Variants in RFX2 observed in about 807,000 individuals in gnomAD.
The protein encoded by RFX2 is DNA-binding protein RFX2.
A neutral mutation model predicts 87.8 loss-of-function variants in RFX2; 20 were observed. The observed-to-expected ratio is 0.23, with a 90% CI of 0.16 to 0.33. The LOEUF is 0.33. Ranked by LOEUF, RFX2 falls within the 10% of genes least tolerant of loss-of-function variation. The pLI is 1.00. For missense variants in RFX2, 767 were observed against 1,012.3 expected, an observed-to-expected ratio of 0.76 and a Z score of 3.29; for synonymous variants, 397 against 431.3, an observed-to-expected ratio of 0.92 and a Z score of 0.98.
Position 6,022,111 on chromosome 19 carries a change from C to T in RFX2, c.597+4052G>A, listed in dbSNP as rs550322205. The stretch of plus-strand genomic sequence containing the variant: ...TGGCTGCCCCTGCCTCAGATGGGAC[C>T]GTGGGCGGGAGGCGCAGGGGTTGTG... On this transcript the variant is annotated intron_variant, in intron 6 of 17. Transcript: ENST00000303657. This position sits in a 1 kb window ranked among gnomAD's most constrained non-coding sequence, Gnocchi z 6.2. 6.6e-6 allele frequency among the ~76,000 whole-genome samples: 1 copy of T among 152,016 alleles called. No individual in the cohort carries two copies. Among genetic ancestry groups the T allele is most frequent in the Admixed American group, 6.5e-5 (1 of 15,272 alleles).
At chr19:6,057,595 G>A (rs955237789) in intron 1 of RFX2, among the ~76,000 whole-genome samples, 1 of 152,206 alleles carries the variant, frequency 6.6e-6, no homozygotes, top group Non-Finnish European at 1.5e-5. Context: ...CCTTCATTCT[G>A]ATTGGCTGAT....
At position 6,020,485 on chromosome 19, in the gene RFX2, C is replaced by T. The variant is rs1031096662; in HGVS notation, c.598-4214G>A. On this transcript the variant is annotated intron_variant, in intron 6 of 17. Coordinates refer to ENST00000303657, the MANE Select transcript of RFX2 (RefSeq NM_000635.4). This position sits in a 1 kb window ranked among gnomAD's most constrained non-coding sequence, Gnocchi z 5.3. ...TCTGGGAGGAGAATGGGGTTAGAAC[C>T]GAAGTATGGCTTGCAGACTCTGTTC... 1.3e-5 allele frequency: 2 copies of T among 152,182 alleles called. No individual in the cohort carries two copies. The highest frequency in any genetic ancestry group is 2.9e-5 in the Non-Finnish European group (2 of 68,056). The allele number at this position is 152,182 out of a possible 1,614,324, so 9.4% of individuals were successfully genotyped here.
chr19:6,014,237 CTTA>C (rs2086695516), intron 7 of RFX2, among the ~76,000 whole-genome samples: 1 of 151,830 alleles, frequency 6.6e-6, no homozygotes, highest in African/African-American at 2.4e-5. Flanking sequence ...TTCTTTTTCT[CTTA>C]TTATTATATT....
At chr19:6,096,497 A>T (rs1366531496) in intron 1 of RFX2, among the ~76,000 whole-genome samples, 1 of 152,064 alleles carries the variant, frequency 6.6e-6, no homozygotes, top group African/African-American at 2.4e-5. Flanking sequence ...CCCAGGCTGG[A>T]GTGCAGTGGC....
chr19:6,021,178 C>T lies in RFX2; in HGVS notation c.598-4907G>A, dbSNP rs955078344. Among the ~76,000 whole-genome samples, 9 of 152,346 alleles carry T rather than the reference C, an allele frequency of 5.9e-5. No individual in the cohort carries two copies. Among genetic ancestry groups the T allele is most frequent in the African/African-American group, 1.9e-4 (8 of 41,582 alleles). On this transcript the variant is annotated intron_variant, in intron 6 of 17. Transcript: ENST00000303657. The surrounding 1 kb of genome is among the most constrained non-coding windows in gnomAD (Gnocchi z 5.7). ...CTCACCGGGCCATACACTAGCAGCT[C>T]GGGCAGCTATTCCAACCGTCCAGGT...
Position 6,002,609 on chromosome 19 carries a change from G to T in RFX2, c.1650+112C>A. The stretch of plus-strand genomic sequence containing the variant: ...GACCCGTGTCATGCAACAGAACCGT[G>T]GCCAGGCTCGGGGCAGGGGCCAGGT... On this transcript the variant is annotated intron_variant, in intron 14 of 17. Coordinates refer to ENST00000303657, the MANE Select transcript of RFX2 (RefSeq NM_000635.4). The surrounding 1 kb of genome is among the most constrained non-coding windows in gnomAD (Gnocchi z 6.7). The T allele has an allele frequency of 7.5e-7, 1 of 1,336,536 alleles. No homozygotes were observed. Among genetic ancestry groups the T allele is most frequent in the Non-Finnish European group, 1.0e-6 (1 of 956,098 alleles). 82.8% of individuals were successfully genotyped at this position (1,336,536 alleles called of 1,614,324 possible).
In RFX2 at chr19:6,046,173, C is replaced by T. The variant is rs76452762; in HGVS notation, c.90+1234G>A. On this transcript the variant is annotated intron_variant, in intron 2 of 17. Transcript: ENST00000303657. The stretch of plus-strand genomic sequence containing the variant: ...CTTCTTTATGGCTTATTTCATTCCA[C>T]GGTAGAAATCCAGGAGCAGAGAAAG... Among the ~76,000 whole-genome samples, 345 of 152,280 alleles carry T rather than the reference C, an allele frequency of 2.3e-3. 3 individuals carry two copies. The highest frequency in any genetic ancestry group is 7.5e-3 in the African/African-American group (313 of 41,560).
rs1387742875 is a variant in RFX2, at chr19:6,074,595, G to T, written c.-8-27091C>A. Among the ~76,000 whole-genome samples the T allele has an allele frequency of 1.3e-5, 2 of 152,202 alleles. No individual in the cohort carries two copies. Among genetic ancestry groups the T allele is most frequent in the African/African-American group, 4.8e-5 (2 of 41,444 alleles). On this transcript the variant is annotated intron_variant, in intron 1 of 17. Coordinates refer to ENST00000303657, the MANE Select transcript of RFX2 (RefSeq NM_000635.4). The surrounding 1 kb of genome is among the most constrained non-coding windows in gnomAD (Gnocchi z 5.2). ...AACAGATTGAGTCCCTGACCATGTG[G>T]GGCTGACCCCTCAGGGAGAGACAGA...
In RFX2 at chr19:5,999,783, C is replaced by T. The variant is rs1206896374; in HGVS notation, c.1859+2032G>A. 2.6e-5 allele frequency among the ~76,000 whole-genome samples: 4 copies of T among 151,858 alleles called. No homozygotes were observed. Among genetic ancestry groups the T allele is most frequent in the African/African-American group, 7.3e-5 (3 of 41,324 alleles). On this transcript the variant is annotated intron_variant, in intron 15 of 17. Transcript: ENST00000303657. This position sits in a 1 kb window ranked among gnomAD's most constrained non-coding sequence, Gnocchi z 4.1. Reference sequence around the variant, plus strand: ...GCATGCAAAGTGGGAAAGAATGGGCCGTCTTATTTACAGAGGCTGGGGGTG... The same window carrying T: ...GCATGCAAAGTGGGAAAGAATGGGCTGTCTTATTTACAGAGGCTGGGGGTG...
Position 6,002,426 on chromosome 19 carries a change from T to A in RFX2, c.1650+295A>T, listed in dbSNP as rs948880792. Among the ~76,000 whole-genome samples the A allele has an allele frequency of 2.4e-4, 37 of 152,128 alleles. 1 individual carries two copies. Among genetic ancestry groups the A allele is most frequent in the Non-Finnish European group, 5.4e-4 (37 of 68,014 alleles). On this transcript the variant is annotated intron_variant, in intron 14 of 17. Coordinates refer to ENST00000303657, the MANE Select transcript of RFX2 (RefSeq NM_000635.4). This position sits in a 1 kb window ranked among gnomAD's most constrained non-coding sequence, Gnocchi z 6.7. The stretch of plus-strand genomic sequence containing the variant: ...AGCCCAGGGGACAGAGCCAGGAAAA[T>A]GGCCACAGGGAGGTCAACGTGGTGC...
At chr19:6,041,533 G>A (rs1416701588) in intron 4 of RFX2, among the ~76,000 whole-genome samples, 2 of 151,792 alleles carry the variant, frequency 1.3e-5, no homozygotes, top group Non-Finnish European at 2.9e-5. Context: ...CAGAGGCGAG[G>A]GGAAAACACA....
chr19:6,004,363 T>C lies in RFX2; in HGVS notation c.1403-65A>G. 7.3e-7 allele frequency: 1 copy of C among 1,369,288 alleles called. No individual in the cohort carries two copies. Among genetic ancestry groups the C allele is most frequent in the Admixed American group, 1.7e-5 (1 of 59,554 alleles). The allele number at this position is 1,369,288 out of a possible 1,614,324, so 84.8% of individuals were successfully genotyped here. ...AGTGACTGGACCCTGGAAATCAGCA[T>C]TCAGTGTAAGAGCTGGCCCAAGTGC... On this transcript the variant is annotated intron_variant, in intron 12 of 17. Transcript: ENST00000303657. This position sits in a 1 kb window ranked among gnomAD's most constrained non-coding sequence, Gnocchi z 4.8.
intron 1 of RFX2, among the ~76,000 whole-genome samples, chr19:6,066,652 C>A (rs932703039): frequency 3.9e-5 from 6 of 152,322 alleles, no homozygotes; most frequent in Admixed American, 1.3e-4. Context: ...TTGGTTCTTT[C>A]AAGCAGATCC....
At chr19:6,108,395 T>C in intron 1 of RFX2, among the ~76,000 whole-genome samples, 1 of 152,230 alleles carries the variant, frequency 6.6e-6, no homozygotes, top group African/African-American at 2.4e-5. Context: ...GGTAAGGATC[T>C]TTCCATAAGC....
At chr19:6,059,229 C>G (rs1023332284) in intron 1 of RFX2, among the ~76,000 whole-genome samples, 6 of 152,130 alleles carry the variant, frequency 3.9e-5, no homozygotes, top group African/African-American at 7.2e-5. Flanking sequence ...ATCCTCCCAC[C>G]TCGGCCTCCC....
At position 5,997,453 on chromosome 19, in the gene RFX2, G is replaced by T. The variant is rs915590002; in HGVS notation, c.1860-240C>A. 4 of 463,370 alleles carry T rather than the reference G, an allele frequency of 8.6e-6. No homozygotes were observed. Among genetic ancestry groups the T allele is most frequent in the African/African-American group, 7.9e-5 (4 of 50,386 alleles). 28.7% of individuals were successfully genotyped at this position (463,370 alleles called of 1,614,324 possible). A position where few individuals can be genotyped will look rare whatever the true frequency, so the allele number is the denominator to read the frequency against. On this transcript the variant is annotated intron_variant, in intron 15 of 17. Coordinates refer to ENST00000303657, the MANE Select transcript of RFX2 (RefSeq NM_000635.4). The surrounding 1 kb of genome is among the most constrained non-coding windows in gnomAD (Gnocchi z 4.2). Reference sequence around the variant, plus strand: ...AGTTCCAGAGACCACCTGGGGAACAGGAGAGGGAGATGGGCAGTCAGCCCC... The same window carrying T: ...AGTTCCAGAGACCACCTGGGGAACATGAGAGGGAGATGGGCAGTCAGCCCC...
rs1392965486 is a variant in RFX2 at position 6,056,623 on chromosome 19, G to A, written c.-8-9119C>T. Among the ~76,000 whole-genome samples the A allele has an allele frequency of 6.6e-6, 1 of 152,216 alleles. No homozygotes were observed. Among genetic ancestry groups the A allele is most frequent in the Non-Finnish European group, 1.5e-5 (1 of 68,042 alleles). ...GGAGCACCTTTGCAGCACCCAGTTT[G>A]GGAACCCCTCAATCCAGTGCAAGAC... On this transcript the variant is annotated intron_variant, in intron 1 of 17. Coordinates refer to ENST00000303657, the MANE Select transcript of RFX2 (RefSeq NM_000635.4). This position sits in a 1 kb window ranked among gnomAD's most constrained non-coding sequence, Gnocchi z 4.6.
chr19:6,044,729 GA>G lies in RFX2; in HGVS notation c.91-448del, dbSNP rs1307220476. 2.2e-4 allele frequency among the ~76,000 whole-genome samples: 34 copies of G among 152,372 alleles called. No individual in the cohort carries two copies. The highest frequency in any genetic ancestry group is 8.2e-4 in the African/African-American group (34 of 41,584). On this transcript the variant is annotated intron_variant, in intron 2 of 17. Coordinates refer to ENST00000303657, the MANE Select transcript of RFX2 (RefSeq NM_000635.4). The surrounding 1 kb of genome is among the most constrained non-coding windows in gnomAD (Gnocchi z 5.3). Reference sequence around the variant, plus strand: ...GATAGCCATCCGCACCACTGCGTGGGAGAGCACTCTGTGGCGCCCCTCGCTT... The same window carrying G: ...GATAGCCATCCGCACCACTGCGTGGGGAGCACTCTGTGGCGCCCCTCGCTT...
In RFX2 at chr19:6,050,826, C is replaced by A. The variant is rs2087257394; in HGVS notation, c.-8-3322G>T. On this transcript the variant is annotated intron_variant, in intron 1 of 17. Coordinates refer to ENST00000303657, the MANE Select transcript of RFX2 (RefSeq NM_000635.4). The surrounding 1 kb of genome is among the most constrained non-coding windows in gnomAD (Gnocchi z 4.6). ...CAACTTAGAGGTCCAAAAATCTCAA[C>A]AAACCCTAAAAAGAATACAAAGAAA... Among the ~76,000 whole-genome samples the A allele has an allele frequency of 6.6e-6, 1 of 152,130 alleles. No homozygotes were observed. Among genetic ancestry groups the A allele is most frequent in the African/African-American group, 2.4e-5 (1 of 41,426 alleles).
Sources: allele counts gnomAD v4.1 joint callset (sites outside exome capture counted in the v4.1 genomes callset), GRCh38; gene constraint gnomAD v4.1.1; non-coding constraint Gnocchi (gnomAD v3.1); transcripts MANE v1.5; gene names NCBI Gene and HGNC (gene_info 2026-07-23, HGNC 2026-07-21).